OR10G6: variants seen among roughly 807,000 people sequenced by gnomAD.
OR10G6 encodes the protein olfactory receptor 10G6.
chr11:123,994,398 C>T lies in OR10G6; in HGVS notation c.764G>A (p.Arg255His), dbSNP rs1030238102. The change falls in exon 1 of 1, where the codon CGC becomes CAC. Residue 255 changes from arginine (R) to histidine (H), a missense_variant. Physicochemically the swap from Arg to His is conservative, Grantham distance 29. Coordinates refer to ENST00000307002, the MANE Select transcript of OR10G6 (RefSeq NM_001355219.1). ...AILRIPSADG[R>H]RNAFSTCAAH... is the part of the protein sequence containing the mutation. ...AGCACAAGTGGAGAAGGCATTGCGG[C>T]GCCCATCTGCTGACGGAATTCGCAG... The T allele has an allele frequency of 2.3e-5, 9 of 399,252 alleles. No individual in the cohort carries two copies. Among genetic ancestry groups the T allele is most frequent in the Non-Finnish European group, 3.1e-5 (7 of 226,214 alleles). The allele number at this position is 399,252 out of a possible 1,614,324, so 24.7% of individuals were successfully genotyped here.
Position 123,994,364 on chromosome 11 carries a change from G to C in OR10G6, c.798C>G (p.Leu266=). 2.5e-6 allele frequency: 1 copy of C among 399,478 alleles called. No homozygotes were observed. 24.7% of individuals were successfully genotyped at this position (399,478 alleles called of 1,614,324 possible). Residue 266 remains leucine (L), a synonymous_variant, in exon 1 of 1, where the codon CTC becomes CTG. Transcript: ENST00000307002. ...GCACATAGTAAACAATGACAACAGT[G>C]AGGTGGGCAGCACAAGTGGAGAAGG... ...RNAFSTCAAH[L]TVVIVYYVPC...
Position 123,994,338 on chromosome 11 carries a change from G to A in OR10G6, c.824C>T (p.Pro275Leu). 2.5e-6 allele frequency: 1 copy of A among 399,328 alleles called. No individual in the cohort carries two copies. The highest frequency in any genetic ancestry group is 4.4e-6 in the Non-Finnish European group (1 of 226,172). The allele number at this position is 399,328 out of a possible 1,614,324, so 24.7% of individuals were successfully genotyped here. A position where few individuals can be genotyped will look rare whatever the true frequency, so the allele number is the denominator to read the frequency against. Residue 275 changes from proline (P) to leucine (L), a missense_variant, in exon 1 of 1, where the codon CCC becomes CTC. Coordinates refer to ENST00000307002, the MANE Select transcript of OR10G6 (RefSeq NM_001355219.1). The part of the protein sequence containing the change: ...HLTVVIVYYV[P>L]CTFIYLRPCS... Reference sequence around the variant, plus strand: ...AGGCCGCAGGTAAATGAAGGTGCAGGGCACATAGTAAACAATGACAACAGT... The same window carrying A: ...AGGCCGCAGGTAAATGAAGGTGCAGAGCACATAGTAAACAATGACAACAGT...
chr11:123,994,505 GAC>G lies in OR10G6; in HGVS notation c.655_656del (p.Val219HisfsTer86). The G allele has an allele frequency of 2.5e-6, 1 of 399,310 alleles. No individual in the cohort carries two copies. The highest frequency in any genetic ancestry group is 3.6e-5 in the East Asian group (1 of 28,074). The allele number at this position is 399,310 out of a possible 1,614,324, so 24.7% of individuals were successfully genotyped here. ...CCAGGAAGCCAATGTCTGCAAAGGT[GAC>G]CAGCTCGTTGATGGCCGTATCGGCG... ...ACADTAINELVTFADIGFLAL... is the reference protein window; with the variant it reads ...ACADTAINELXTFADIGFLAL... On this transcript the variant is annotated frameshift_variant, in exon 1 of 1. Coordinates refer to ENST00000307002, the MANE Select transcript of OR10G6 (RefSeq NM_001355219.1). LOFTEE classifies it low-confidence loss of function (END_TRUNC).
Position 123,994,969 on chromosome 11 carries a change from G to C in OR10G6, c.193C>G (p.Leu65Val). Residue 65 changes from leucine (L) to valine (V), a missense_variant, in exon 1 of 1, where the codon CTC becomes GTC. Transcript: ENST00000307002. ...TCCACTAAGACAGTGAGGATGATGA[G>C]CCCATTTCCAGAAACAGTGAGGAGA... ...IYLLTVSGNG[L>V]IILTVLVDIR... 2.5e-6 allele frequency: 1 copy of C among 399,244 alleles called. No homozygotes were observed. Among genetic ancestry groups the C allele is most frequent in the Non-Finnish European group, 4.4e-6 (1 of 226,170 alleles). 24.7% of individuals were successfully genotyped at this position (399,244 alleles called of 1,614,324 possible).
In OR10G6 at chr11:123,994,888, T is replaced by A. The variant is rs549943202; in HGVS notation, c.274A>T (p.Met92Leu). ...LFLCHLSFLDMTISCAIVPKM... is the reference protein window; with the variant it reads ...LFLCHLSFLDLTISCAIVPKM... The stretch of plus-strand genomic sequence containing the variant: ...GGGACAATAGCACAAGAAATGGTCA[T>A]GTCCAAGAAGGAGAGGTGACACAGG... The change falls in exon 1 of 1, where the codon ATG (methionine) becomes TTG (leucine). Residue 92 changes from methionine (M) to leucine (L), a missense_variant. Transcript: ENST00000307002. 13 of 399,332 alleles carry A rather than the reference T, an allele frequency of 3.3e-5. 1 individual carries two copies. In the South Asian group the frequency reaches 1.7e-3, roughly 51 times the overall value. The allele number at this position is 399,332 out of a possible 1,614,324, so 24.7% of individuals were successfully genotyped here.
rs901129010 is a variant in OR10G6 at position 123,994,426 on chromosome 11, T to C, written c.736A>G (p.Ile246Val). 2.5e-6 allele frequency: 1 copy of C among 399,204 alleles called. No individual in the cohort carries two copies. Among genetic ancestry groups the C allele is most frequent in the African/African-American group, 2.1e-5 (1 of 48,630 alleles). The allele number at this position is 399,204 out of a possible 1,614,324, so 24.7% of individuals were successfully genotyped here. A position where few individuals can be genotyped will look rare whatever the true frequency, so the allele number is the denominator to read the frequency against. ...LTSYGYIVAA[I>V]LRIPSADGRR... ...CCATCTGCTGACGGAATTCGCAGGATGGCAGCTACAATATAGCCATAGGAA... is the reference window on the plus strand; with the variant it reads ...CCATCTGCTGACGGAATTCGCAGGACGGCAGCTACAATATAGCCATAGGAA... Residue 246 changes from isoleucine (I) to valine (V), a missense_variant, in exon 1 of 1, where the codon ATC (isoleucine) becomes GTC (valine). Physicochemically the swap from Ile to Val is conservative, Grantham distance 29. Transcript: ENST00000307002.
In OR10G6 at chr11:123,995,135, A is replaced by G. The variant is rs910062398; in HGVS notation, c.27T>C (p.Leu9=). 2.5e-6 allele frequency: 1 copy of G among 399,082 alleles called. No individual in the cohort carries two copies. The highest frequency in any genetic ancestry group is 4.4e-6 in the Non-Finnish European group (1 of 226,092). The allele number at this position is 399,082 out of a possible 1,614,324, so 24.7% of individuals were successfully genotyped here. A position where few individuals can be genotyped will look rare whatever the true frequency, so the allele number is the denominator to read the frequency against. The change falls in exon 1 of 1, where the codon CTT becomes CTC. Residue 9 remains leucine (L), a synonymous_variant. Transcript: ENST00000307002. ...TCACATCTGTCAAAAGAAGTAGCAG[A>G]AGGAGATGCTCAACACCCTCTAACA... MLEGVEHL[L]LLLLLTDVNS...
rs1222127811 is a variant in OR10G6, at chr11:123,994,921, A to G, written c.241T>C (p.Cys81Arg). ...LVDIRLHRPMCLFLCHLSFLD... is the reference protein window; with the variant it reads ...LVDIRLHRPMRLFLCHLSFLD... ...AAGGAGAGGTGACACAGGAACAAGC[A>G]CATGGGACGATGGAGCCGGATGTCC... is the stretch of plus-strand genomic sequence containing the variant. The change falls in exon 1 of 1, where the codon TGC becomes CGC. Residue 81 changes from cysteine (C) to arginine (R), a missense_variant. By Grantham distance (180) the Cys-to-Arg change is radical. Transcript: ENST00000307002. 2.5e-6 allele frequency: 1 copy of G among 399,190 alleles called. No individual in the cohort carries two copies. Among genetic ancestry groups the G allele is most frequent in the African/African-American group, 2.1e-5 (1 of 48,634 alleles). 24.7% of individuals were successfully genotyped at this position (399,190 alleles called of 1,614,324 possible).
chr11:123,994,584 T>C lies in OR10G6; in HGVS notation c.578A>G (p.Asn193Ser), dbSNP rs1032708505. 29 of 399,228 alleles carry C rather than the reference T, an allele frequency of 7.3e-5. No homozygotes were observed. The highest frequency in any genetic ancestry group is 1.9e-4 in the African/African-American group (9 of 48,572). The allele number at this position is 399,228 out of a possible 1,614,324, so 24.7% of individuals were successfully genotyped here. ...GTCACAGAAGATGTAGTCGACCCGA[T>C]TGGGGCCACAGAAGGGCAGCCGGAA... is the stretch of plus-strand genomic sequence containing the variant. ...FVFRLPFCGP[N>S]RVDYIFCDIP... The change falls in exon 1 of 1, where the codon AAT (asparagine) becomes AGT (serine). Residue 193 changes from asparagine (N) to serine (S), a missense_variant. Asn to Ser is a conservative substitution (Grantham distance 46). Transcript: ENST00000307002.
At position 123,994,480 on chromosome 11, in the gene OR10G6, C is replaced by A. The variant is rs1263278835; in HGVS notation, c.682G>T (p.Ala228Ser). The change falls in exon 1 of 1, where the codon GCC becomes TCC. Residue 228 changes from alanine (A) to serine (S), a missense_variant. Coordinates refer to ENST00000307002, the MANE Select transcript of OR10G6 (RefSeq NM_001355219.1). The stretch of plus-strand genomic sequence containing the variant: ...AGGATGAGCATGAAGCAGGTGAGGG[C>A]CAGGAAGCCAATGTCTGCAAAGGTG... The part of the protein sequence containing the change: ...LVTFADIGFL[A>S]LTCFMLILTS... The A allele has an allele frequency of 1.0e-5, 4 of 399,178 alleles. No individual in the cohort carries two copies. The highest frequency in any genetic ancestry group is 8.8e-6 in the Non-Finnish European group (2 of 226,256). 24.7% of individuals were successfully genotyped at this position (399,178 alleles called of 1,614,324 possible). A position where few individuals can be genotyped will look rare whatever the true frequency, so the allele number is the denominator to read the frequency against.
chr11:123,994,599 G>T lies in OR10G6; in HGVS notation c.563C>A (p.Pro188His), dbSNP rs1209947094. The T allele has an allele frequency of 2.5e-6, 1 of 399,478 alleles. No homozygotes were observed. The highest frequency in any genetic ancestry group is 4.4e-6 in the Non-Finnish European group (1 of 226,332). The allele number at this position is 399,478 out of a possible 1,614,324, so 24.7% of individuals were successfully genotyped here. ...GTCGACCCGATTGGGGCCACAGAAG[G>T]GCAGCCGGAATACAAAACTTGTTTG... ...LFQTSFVFRL[P>H]FCGPNRVDYI... is the part of the protein sequence containing the mutation. The change falls in exon 1 of 1, where the codon CCC becomes CAC. Residue 188 changes from proline (P) to histidine (H), a missense_variant. By Grantham distance (77) the Pro-to-His change is moderately conservative. Coordinates refer to ENST00000307002, the MANE Select transcript of OR10G6 (RefSeq NM_001355219.1).
rs1424819663 is a variant in OR10G6, at chr11:123,994,841, G to C, written c.321C>G (p.Leu107=). Residue 107 remains leucine (L), a synonymous_variant, in exon 1 of 1, where the codon CTC becomes CTG. Transcript: ENST00000307002. Reference sequence around the variant, plus strand: ...CAAAGGAGATAATCCTACTACCCAAGAGAAAGCCAGCCAGCATCTTGGGGA... The same window carrying C: ...CAAAGGAGATAATCCTACTACCCAACAGAAAGCCAGCCAGCATCTTGGGGA... ...AIVPKMLAGF[L]LGSRIISFGG... is the part of the protein sequence containing the mutation. 2.5e-6 allele frequency: 1 copy of C among 399,214 alleles called. No homozygotes were observed. The highest frequency in any genetic ancestry group is 4.4e-6 in the Non-Finnish European group (1 of 226,258). The allele number at this position is 399,214 out of a possible 1,614,324, so 24.7% of individuals were successfully genotyped here. A position where few individuals can be genotyped will look rare whatever the true frequency, so the allele number is the denominator to read the frequency against.
In OR10G6 at chr11:123,994,323, T is replaced by G. The variant is rs1863853060; in HGVS notation, c.839A>C (p.Tyr280Ser). ...IVYYVPCTFI[Y>S]LRPCSQEPLD... is the part of the protein sequence containing the mutation. ...GGGCTCCTGTGAACAAGGCCGCAGG[T>G]AAATGAAGGTGCAGGGCACATAGTA... The change falls in exon 1 of 1, where the codon TAC becomes TCC. Residue 280 changes from tyrosine to serine, a missense_variant. By Grantham distance (144) the Tyr-to-Ser change is moderately radical. Coordinates refer to ENST00000307002, the MANE Select transcript of OR10G6 (RefSeq NM_001355219.1). 7.5e-6 allele frequency: 3 copies of G among 399,146 alleles called. No homozygotes were observed. The highest frequency in any genetic ancestry group is 4.4e-5 in the Admixed American group (1 of 22,714). The allele number at this position is 399,146 out of a possible 1,614,324, so 24.7% of individuals were successfully genotyped here.
chr11:123,994,651 G>T lies in OR10G6; in HGVS notation c.511C>A (p.Leu171Met). The change falls in exon 1 of 1, where the codon CTG becomes ATG. Residue 171 changes from leucine to methionine, a missense_variant. Transcript: ENST00000307002. The part of the protein sequence containing the change: ...VCNSLALGTW[L>M]GGTIHSLFQT... ...AAAAGTGAATGGATAGTCCCTCCCAGCCAGGTGCCTAAAGCCAGGGAGTTA... is the reference window on the plus strand; with the variant it reads ...AAAAGTGAATGGATAGTCCCTCCCATCCAGGTGCCTAAAGCCAGGGAGTTA... 2.5e-6 allele frequency: 1 copy of T among 399,298 alleles called. No individual in the cohort carries two copies. The highest frequency in any genetic ancestry group is 4.4e-6 in the Non-Finnish European group (1 of 226,230). The allele number at this position is 399,298 out of a possible 1,614,324, so 24.7% of individuals were successfully genotyped here. A position where few individuals can be genotyped will look rare whatever the true frequency, so the allele number is the denominator to read the frequency against.
rs1385747265 is a variant in OR10G6, at chr11:123,994,362, G to T, written c.800C>A (p.Thr267Asn). 3 of 399,338 alleles carry T rather than the reference G, an allele frequency of 7.5e-6. No individual in the cohort carries two copies. Among genetic ancestry groups the T allele is most frequent in the Non-Finnish European group, 1.3e-5 (3 of 226,220 alleles). 24.7% of individuals were successfully genotyped at this position (399,338 alleles called of 1,614,324 possible). A position where few individuals can be genotyped will look rare whatever the true frequency, so the allele number is the denominator to read the frequency against. Reference protein sequence around the residue: ...NAFSTCAAHLTVVIVYYVPCT... With the variant: ...NAFSTCAAHLNVVIVYYVPCT... ...GGGCACATAGTAAACAATGACAACA[G>T]TGAGGTGGGCAGCACAAGTGGAGAA... is the stretch of plus-strand genomic sequence containing the variant. Residue 267 changes from threonine to asparagine, a missense_variant, in exon 1 of 1, where the codon ACT (threonine) becomes AAT (asparagine). Coordinates refer to ENST00000307002, the MANE Select transcript of OR10G6 (RefSeq NM_001355219.1).
Position 123,994,841 on chromosome 11 carries a change from G to A in OR10G6, c.321C>T (p.Leu107=). Residue 107 remains leucine (L), a synonymous_variant, in exon 1 of 1, where the codon CTC becomes CTT. Coordinates refer to ENST00000307002, the MANE Select transcript of OR10G6 (RefSeq NM_001355219.1). The part of the protein sequence containing the change: ...AIVPKMLAGF[L]LGSRIISFGG... ...CAAAGGAGATAATCCTACTACCCAA[G>A]AGAAAGCCAGCCAGCATCTTGGGGA... 1 of 399,332 alleles carries A rather than the reference G, an allele frequency of 2.5e-6. No homozygotes were observed. The highest frequency in any genetic ancestry group is 3.6e-5 in the East Asian group (1 of 28,070). 24.7% of individuals were successfully genotyped at this position (399,332 alleles called of 1,614,324 possible).
rs7944434 is a variant in OR10G6 at position 123,994,379 on chromosome 11, A to C, written c.783T>G (p.Thr261=). The C allele has an allele frequency of 0.85, 338,346 of 399,330 alleles. 143,558 individuals are homozygous for C. The highest frequency in any genetic ancestry group is 0.88 in the Admixed American group (20,002 of 22,734). The allele number at this position is 399,330 out of a possible 1,614,324, so 24.7% of individuals were successfully genotyped here. Residue 261 remains threonine (T), a synonymous_variant, in exon 1 of 1, where the codon ACT becomes ACG. Transcript: ENST00000307002. ...SADGRRNAFS[T]CAAHLTVVIV... is the part of the protein sequence containing the mutation. Reference sequence around the variant, plus strand: ...TGACAACAGTGAGGTGGGCAGCACAAGTGGAGAAGGCATTGCGGCGCCCAT... The same window carrying C: ...TGACAACAGTGAGGTGGGCAGCACACGTGGAGAAGGCATTGCGGCGCCCAT...
rs10790622 is a variant in OR10G6 at position 123,994,598 on chromosome 11, G to A, written c.564C>T (p.Pro188=). The A allele has an allele frequency of 0.29, 116,060 of 399,264 alleles. 18,286 individuals are homozygous for A. The highest frequency in any genetic ancestry group is 0.32 in the Admixed American group (7,378 of 22,718). The allele number at this position is 399,264 out of a possible 1,614,324, so 24.7% of individuals were successfully genotyped here. ...AGTCGACCCGATTGGGGCCACAGAA[G>A]GGCAGCCGGAATACAAAACTTGTTT... ...LFQTSFVFRL[P]FCGPNRVDYI... Residue 188 remains proline (P), a synonymous_variant, in exon 1 of 1, where the codon CCC becomes CCT. Transcript: ENST00000307002.
At position 123,994,845 on chromosome 11, in the gene OR10G6, AAGCC is replaced by A. The variant is rs919508612; in HGVS notation, c.313_316del (p.Gly105PhefsTer14). ...GGAGATAATCCTACTACCCAAGAGA[AAGCC>A]AGCCAGCATCTTGGGGACAATAGCA... On this transcript the variant is annotated frameshift_variant, in exon 1 of 1. Transcript: ENST00000307002. LOFTEE classifies it low-confidence loss of function (END_TRUNC). 2.5e-6 allele frequency: 1 copy of A among 399,352 alleles called. No homozygotes were observed. The highest frequency in any genetic ancestry group is 2.1e-5 in the African/African-American group (1 of 48,738). The allele number at this position is 399,352 out of a possible 1,614,324, so 24.7% of individuals were successfully genotyped here.
Sources: gnomAD v4.1 joint callset for allele counts on GRCh38, gnomAD v4.1.1 for gene constraint, MANE v1.5 for transcripts, NCBI Gene and HGNC (gene_info 2026-07-23, HGNC 2026-07-21) for gene names.